SH3D19: variants seen among roughly 807,000 people sequenced by gnomAD.
The protein encoded by SH3D19 is SH3 domain-containing protein 19.
A neutral mutation model predicts 112.1 loss-of-function variants in SH3D19; 58 were observed. The observed-to-expected ratio is 0.52, with a 90% CI of 0.42 to 0.64. SH3D19 has a LOEUF of 0.64. Among genes scored for constraint, SH3D19 ranks in the 30% least tolerant of loss-of-function variants. The probability of loss-of-function intolerance (pLI) is 0.00; values close to 1 mark genes in which losing one functional copy is unlikely to be tolerated. For missense variants in SH3D19, 1,090 were observed against 1,263.4 expected, an observed-to-expected ratio of 0.86 and a Z score of 2.08; for synonymous variants, 391 against 448.5, an observed-to-expected ratio of 0.87 and a Z score of 1.62.
At chr4:151,206,023 C>A (rs1765053670) in intron 2 of SH3D19, among the ~76,000 whole-genome samples, 1 of 152,156 alleles carries the variant, frequency 6.6e-6, no homozygotes, top group Admixed American at 6.5e-5. Flanking sequence ...CACACACACA[C>A]ACAAAACACA....
At chr4:151,129,200 T>C (rs2149730171) in intron 17 of SH3D19, among the ~76,000 whole-genome samples, 1 of 152,290 alleles carries the variant, frequency 6.6e-6, no homozygotes, top group African/African-American at 2.4e-5. Context: ...TTATGAGCTG[T>C]AGTTAACTCT....
Position 151,161,644 on chromosome 4 carries a change from T to TTAA in SH3D19, c.1643-2293_1643-2292insTTA, listed in dbSNP as rs58967463. On this transcript the variant is annotated intron_variant, in intron 8 of 19. Coordinates refer to ENST00000604030, the MANE Select transcript of SH3D19 (RefSeq NM_001378122.1). ...CATATATATATATATATATATATTT[T>TTAA]AATTATACTTTAAGTTCTAGGGTAC... 3.2e-3 allele frequency among the ~76,000 whole-genome samples: 481 copies of TTAA among 148,548 alleles called. 9 individuals carry two copies. In the East Asian group the frequency reaches 0.058, roughly 18 times the overall value.
chr4:151,266,495 G>C (rs1309556764), intron 1 of SH3D19, among the ~76,000 whole-genome samples: 1 of 152,136 alleles, frequency 6.6e-6, no homozygotes, highest in Non-Finnish European at 1.5e-5. Flanking sequence ...TTAGTTGCTC[G>C]ACTCATATGA....
chr4:151,123,887 T>C (rs1748583809), intron 19 of SH3D19, among the ~76,000 whole-genome samples: 1 of 152,156 alleles, frequency 6.6e-6, no homozygotes, highest in South Asian at 2.1e-4. Context: ...AAAAATGGCT[T>C]GATTTAAGGC....
chr4:151,274,735 A>C (rs575324526), intron 1 of SH3D19, among the ~76,000 whole-genome samples: 38 of 152,264 alleles, frequency 2.5e-4, no homozygotes, highest in Admixed American at 2.5e-3. Context: ...ACATCTACAT[A>C]AGTTTGCTAG....
chr4:151,221,823 A>G lies in SH3D19; in HGVS notation c.152+4224T>C, dbSNP rs1258547814. Reference sequence around the variant, plus strand: ...AAGGTACCACAGCATTGCCTAAAATATAACTGTAAAGACTGGGAACTTCAC... The same window carrying G: ...AAGGTACCACAGCATTGCCTAAAATGTAACTGTAAAGACTGGGAACTTCAC... On this transcript the variant is annotated intron_variant, in intron 2 of 19. Coordinates refer to ENST00000604030, the MANE Select transcript of SH3D19 (RefSeq NM_001378122.1). Among the ~76,000 whole-genome samples, 7 of 152,346 alleles carry G rather than the reference A, an allele frequency of 4.6e-5. 1 individual carries two copies. In the South Asian group the frequency reaches 6.2e-4, roughly 14 times the overall value.
At chr4:151,225,769 G>A (rs1192695688) in intron 2 of SH3D19, among the ~76,000 whole-genome samples, 1 of 152,126 alleles carries the variant, frequency 6.6e-6, no homozygotes, top group East Asian at 1.9e-4. Context: ...AGGAAAATAA[G>A]TCACAAAAAC....
At chr4:151,319,725 C>G (rs1191875057) in intron 1 of SH3D19, among the ~76,000 whole-genome samples, 1 of 152,170 alleles carries the variant, frequency 6.6e-6, no homozygotes, top group African/African-American at 2.4e-5. Flanking sequence ...GAACAAAAAA[C>G]TTACCCTCTT....
chr4:151,209,211 T>G (rs1267976878), intron 2 of SH3D19, among the ~76,000 whole-genome samples: 1 of 151,930 alleles, frequency 6.6e-6, no homozygotes, highest in Non-Finnish European at 1.5e-5. Flanking sequence ...ACCCAAGTAC[T>G]TCACACACTA....
chr4:151,229,020 C>A (rs182071375), intron 1 of SH3D19, among the ~76,000 whole-genome samples: 1 of 146,472 alleles, frequency 6.8e-6, no homozygotes, highest in Non-Finnish European at 1.5e-5. Context: ...CATGCCACCA[C>A]GCCTAGCTAA....
intron 1 of SH3D19, chr4:151,282,171 C>G (rs370412647): frequency 6.2e-7 from 1 of 1,613,906 alleles, no homozygotes; most frequent in South Asian, 1.1e-5. Flanking sequence ...TTTTCATATA[C>G]TGTGTGGCTA....
At chr4:151,238,091 G>A (rs1770269031) in intron 1 of SH3D19, among the ~76,000 whole-genome samples, 1 of 152,118 alleles carries the variant, frequency 6.6e-6, no homozygotes, top group South Asian at 2.1e-4. Flanking sequence ...GATAAACTGT[G>A]CCAACCAGGG....
intron 7 of SH3D19, among the ~76,000 whole-genome samples, chr4:151,171,644 T>C (rs1440575958): frequency 6.6e-6 from 1 of 152,172 alleles, no homozygotes; most frequent in Non-Finnish European, 1.5e-5. Context: ...ATGAAGTAGT[T>C]TTCCGCCCAT....
intron 1 of SH3D19, chr4:151,280,052 A>G (rs1875308): frequency 0.91 from 1,249,738 of 1,372,792 alleles, 579,377 homozygotes; most frequent in Non-Finnish European, 0.97. Flanking sequence ...AAAGTGGTAA[A>G]ATAGGCAGGG....
intron 1 of SH3D19, among the ~76,000 whole-genome samples, chr4:151,254,851 G>A (rs908015961): frequency 8.6e-5 from 13 of 151,818 alleles, no homozygotes; most frequent in African/African-American, 2.9e-4. Flanking sequence ...CCTCCCAGAC[G>A]GGGTGGTGGC....
chr4:151,289,943 A>C (rs1053031100), intron 1 of SH3D19, among the ~76,000 whole-genome samples: 1 of 152,080 alleles, frequency 6.6e-6, no homozygotes, highest in Non-Finnish European at 1.5e-5. Context: ...CCGGTACACA[A>C]GTGTTCACAG....
chr4:151,263,086 A>G (rs1474763318), intron 1 of SH3D19, among the ~76,000 whole-genome samples: 5 of 152,252 alleles, frequency 3.3e-5, no homozygotes, highest in African/African-American at 9.6e-5. Flanking sequence ...CTGCTGTCCC[A>G]TAAGCCTAAT....
chr4:151,139,485 T>C (rs984458006), intron 13 of SH3D19, among the ~76,000 whole-genome samples: 1 of 152,224 alleles, frequency 6.6e-6, no homozygotes, highest in Non-Finnish European at 1.5e-5. Context: ...TTAAAAAGTT[T>C]GTGACTGGTA....
chr4:151,282,623 A>G (rs1170509813), intron 1 of SH3D19, among the ~76,000 whole-genome samples: 1 of 152,210 alleles, frequency 6.6e-6, no homozygotes. Context: ...GAGTCTAGCT[A>G]TAGCTGGAAG....
Sources: allele counts gnomAD v4.1 joint callset (sites outside exome capture counted in the v4.1 genomes callset), GRCh38; gene constraint gnomAD v4.1.1; transcripts MANE v1.5; gene names NCBI Gene and HGNC (gene_info 2026-07-23, HGNC 2026-07-21).